DCLK2: variants seen among roughly 807,000 people sequenced by gnomAD.
The protein encoded by DCLK2 is doublecortin like kinase 2, also known as serine/threonine-protein kinase DCLK2.
DCLK2 carries 31 observed loss-of-function variants against 78.4 expected under a neutral mutation model. The ratio of observed to expected loss-of-function variants is 0.40; its 90% CI spans 0.30 to 0.53. The LOEUF is 0.53. Ranked by LOEUF, DCLK2 falls within the 20% of genes least tolerant of loss-of-function variation. The pLI is 0.61. For missense variants in DCLK2, 872 were observed against 973.7 expected (o/e 0.90, Z 1.39); for synonymous variants, 407 against 374.9 (o/e 1.09, Z -0.99).
At chr4:150,177,935 C>G (rs1737207473) in intron 2 of DCLK2, among the ~76,000 whole-genome samples, 1 of 152,010 alleles carries the variant, frequency 6.6e-6, no homozygotes, top group Admixed American at 6.6e-5. Flanking sequence ...GGACCAGGAA[C>G]AAAAGAGAAT....
intron 2 of DCLK2, among the ~76,000 whole-genome samples, chr4:150,155,674 G>A (rs554489380): frequency 1.3e-5 from 2 of 152,244 alleles, no homozygotes; most frequent in South Asian, 4.1e-4. Flanking sequence ...GTAATCATGG[G>A]TAAAACTCTT....
chr4:150,188,041 C>T (rs1020397300), intron 2 of DCLK2, among the ~76,000 whole-genome samples: 14 of 152,206 alleles, frequency 9.2e-5, no homozygotes, highest in South Asian at 2.1e-4. Flanking sequence ...CCTCATGATC[C>T]GCACCCCTTG....
At chr4:150,253,601 C>T in intron 15 of DCLK2, 11 of 1,287,070 alleles carry the variant, frequency 8.5e-6, no homozygotes, top group South Asian at 1.2e-5. Flanking sequence ...ATCCTCAGCC[C>T]CTCTCACGCC....
At chr4:150,086,506 A>T (rs999576646) in intron 1 of DCLK2, among the ~76,000 whole-genome samples, 5 of 147,480 alleles carry the variant, frequency 3.4e-5, no homozygotes, top group South Asian at 4.3e-4. Context: ...GATTCTTTTT[A>T]TTTTTTTTTT....
chr4:150,209,164 A>G (rs1740103378), intron 5 of DCLK2, among the ~76,000 whole-genome samples: 1 of 152,234 alleles, frequency 6.6e-6, no homozygotes, highest in South Asian at 2.1e-4. Context: ...GCCATCCAGC[A>G]GGTCCCTGTT....
At chr4:150,145,978 G>A (rs1369289171) in intron 2 of DCLK2, among the ~76,000 whole-genome samples, 1 of 152,152 alleles carries the variant, frequency 6.6e-6, no homozygotes, top group Non-Finnish European at 1.5e-5. Flanking sequence ...AGCTTCACAA[G>A]CAAATTGATT....
intron 2 of DCLK2, among the ~76,000 whole-genome samples, chr4:150,192,720 G>A (rs1738557363): frequency 6.6e-6 from 1 of 152,138 alleles, no homozygotes; most frequent in Admixed American, 6.6e-5. Context: ...CAGAGGTACA[G>A]AGAAGTCACA....
intron 2 of DCLK2, among the ~76,000 whole-genome samples, chr4:150,155,316 C>T (rs1735194522): frequency 1.3e-5 from 2 of 152,194 alleles, no homozygotes; most frequent in Non-Finnish European, 1.5e-5. Flanking sequence ...TAACAACCTA[C>T]AGATAAGAAT....
At position 150,096,147 on chromosome 4, in the gene DCLK2, G is replaced by A. The variant is rs563789276; in HGVS notation, c.422-6331G>A. On this transcript the variant is annotated intron_variant, in intron 1 of 15. Coordinates refer to ENST00000296550, the MANE Select transcript of DCLK2 (RefSeq NM_001040260.4). ...AACGAGAGAAGGCAGGGTAGAAGGA[G>A]TTGGTTTCCAGAGGGGTTTAGACCA... 2.0e-5 allele frequency among the ~76,000 whole-genome samples: 3 copies of A among 152,328 alleles called. No homozygotes were observed. The East Asian group carries it at 5.8e-4, about 29-fold the overall frequency.
At chr4:150,163,937 A>T (rs563188184) in intron 2 of DCLK2, among the ~76,000 whole-genome samples, 3 of 152,044 alleles carry the variant, frequency 2.0e-5, no homozygotes, top group Middle Eastern at 3.2e-3. Flanking sequence ...CCTTTGCAAC[A>T]TCTGTTTTGC....
At chr4:150,226,424 G>T (rs1340527063) in intron 8 of DCLK2, among the ~76,000 whole-genome samples, 1 of 151,690 alleles carries the variant, frequency 6.6e-6, no homozygotes, top group Non-Finnish European at 1.5e-5. Context: ...ACATGTAAGG[G>T]TTCTGCTTTC....
At chr4:150,250,571 C>T (rs960635581) in intron 15 of DCLK2, among the ~76,000 whole-genome samples, 3 of 151,854 alleles carry the variant, frequency 2.0e-5, no homozygotes, top group Non-Finnish European at 2.9e-5. Flanking sequence ...TTGGCTGCAG[C>T]AGCTTTCGAA....
intron 5 of DCLK2, among the ~76,000 whole-genome samples, chr4:150,212,525 A>T (rs1740395005): frequency 6.6e-6 from 1 of 152,226 alleles, no homozygotes; most frequent in East Asian, 1.9e-4. Context: ...CCAGAGATGG[A>T]TGGTGACTTC....
chr4:150,250,890 C>CAT (rs1484888575), intron 15 of DCLK2, among the ~76,000 whole-genome samples: 10 of 69,938 alleles, frequency 1.4e-4, no homozygotes, highest in East Asian at 9.5e-4. Context: ...ACTCCCCACA[C>CAT]CCCCCACACC....
intron 13 of DCLK2, 146 bp from the exon 14 acceptor site, chr4:150,248,159 A>T: frequency 1.5e-6 from 1 of 647,526 alleles, no homozygotes; most frequent in Non-Finnish European, 2.8e-6. Context: ...TTAGGAGAGT[A>T]GGTATAATCA....
chr4:150,255,433 C>G (rs956072682), intron 15 of DCLK2, among the ~76,000 whole-genome samples: 1 of 152,252 alleles, frequency 6.6e-6, no homozygotes. Flanking sequence ...GATTTAAAAA[C>G]TTTCAGGATG....
At chr4:150,163,043 G>T (rs922340182) in intron 2 of DCLK2, among the ~76,000 whole-genome samples, 1 of 152,114 alleles carries the variant, frequency 6.6e-6, no homozygotes, top group African/African-American at 2.4e-5. Flanking sequence ...TTGGCAAAAC[G>T]ACAGTTGGTT....
intron 5 of DCLK2, among the ~76,000 whole-genome samples, chr4:150,219,029 C>A (rs1486057111): frequency 1.3e-5 from 2 of 151,976 alleles, no homozygotes; most frequent in African/African-American, 4.8e-5. Context: ...CACAGTGAGA[C>A]CCTGTCTCTA....
At chr4:150,224,427 T>C in intron 7 of DCLK2, 74 bp from the exon 8 acceptor site, 1 of 1,402,322 alleles carries the variant, frequency 7.1e-7, no homozygotes, top group Non-Finnish European at 9.7e-7. Context: ...AATTAAAGTA[T>C]AAAAAAGAAA....
Sources: allele counts gnomAD v4.1 joint callset (sites outside exome capture counted in the v4.1 genomes callset), GRCh38; gene constraint gnomAD v4.1.1; transcripts MANE v1.5; gene names NCBI Gene and HGNC (gene_info 2026-07-23, HGNC 2026-07-21).